Variants in PIGT observed in about 807,000 individuals in gnomAD.
The protein encoded by PIGT is GPI-anchor transamidase component PIGT.
A neutral mutation model predicts 66.7 loss-of-function variants in PIGT; 57 were observed. The ratio of observed to expected loss-of-function variants is 0.86; its 90% CI spans 0.69 to 1.07. The LOEUF (loss-of-function observed/expected upper bound fraction) is 1.07. PIGT is among the 50% of genes least tolerant of loss of function. The probability of loss-of-function intolerance (pLI) is 0.00; values close to 1 mark genes in which losing one functional copy is unlikely to be tolerated. For missense variants in PIGT, 725 were observed against 740.4 expected, an observed-to-expected ratio of 0.98 and a Z score of 0.24; for synonymous variants, 362 against 320.5, an observed-to-expected ratio of 1.13 and a Z score of -1.38.
chr20:45,425,187 CTTTCTTTCTT>C (rs1990656555), intron 11 of PIGT: 1 of 131,428 alleles, frequency 7.6e-6, no homozygotes, highest in Non-Finnish European at 1.6e-5. Flanking sequence ...TTCTTTCTTT[CTTTCTTTCTT>C]TCTTTCTTTC....
rs574857016 is a variant in PIGT at position 45,420,410 on chromosome 20, A to T, written c.848A>T (p.Asp283Val). The T allele has an allele frequency of 1.9e-4, 314 of 1,613,402 alleles. 4 individuals carry two copies. In the South Asian group the frequency reaches 3.3e-3, roughly 17 times the overall value. The change falls in exon 7 of 12, where the codon GAC becomes GTC. Residue 283 changes from aspartate (D) to valine (V), a missense_variant. This residue lies in a region of PIGT where 559 missense variants were observed against 552.7 expected (regional missense o/e 1.01). Transcript: ENST00000279036. ...PLASESRVYV[D>V]ITTYNQDNET... is the part of the protein sequence containing the mutation. ...GCTTCAGAGAGCCGAGTCTATGTGG[A>T]CATCACCACCTACAACCAGGTAACA... is the stretch of plus-strand genomic sequence containing the variant.
At chr20:45,418,634 G>C (rs1020714183) in intron 2 of PIGT, 13 of 522,844 alleles carry the variant, frequency 2.5e-5, no homozygotes, top group African/African-American at 1.9e-5. Context: ...TGGGGATGCA[G>C]AGATGTCCAG....
In PIGT at chr20:45,424,396, C is replaced by T; in HGVS notation, c.1400+15C>T. On this transcript the variant is annotated intron_variant, in intron 10 of 11. Coordinates refer to ENST00000279036, the MANE Select transcript of PIGT (RefSeq NM_015937.6). ...TTCTATGTCAGGTGGGCTCCACCCC[C>T]ACAGGCCACCTCTCATCCCCCTGAC... 3 of 1,614,016 alleles carry T rather than the reference C, an allele frequency of 1.9e-6. No individual in the cohort carries two copies. Among genetic ancestry groups the T allele is most frequent in the Non-Finnish European group, 8.5e-7 (1 of 1,179,864 alleles).
In PIGT at chr20:45,420,158, CCTG is replaced by C; in HGVS notation, c.705_707del (p.Trp236del). 6.2e-7 allele frequency: 1 copy of C among 1,612,474 alleles called. No homozygotes were observed. Among genetic ancestry groups the C allele is most frequent in the African/African-American group, 1.3e-5 (1 of 75,022 alleles). Reference sequence around the variant, plus strand: ...TAGAATGCACGCTGTACTAGCATCTCCTGGGAGCTGAGGCAGACCCTGTCAGTT... The same window carrying C: ...TAGAATGCACGCTGTACTAGCATCTCGGAGCTGAGGCAGACCCTGTCAGTT... On this transcript the variant is annotated inframe_deletion, in exon 6 of 12. Coordinates refer to ENST00000279036, the MANE Select transcript of PIGT (RefSeq NM_015937.6).
At chr20:45,420,822 T>G in intron 8 of PIGT, 129 bp downstream of exon 8, 7 of 925,052 alleles carry the variant, frequency 7.6e-6, no homozygotes, top group Non-Finnish European at 1.2e-5. Context: ...TGCTGCTGAC[T>G]GTAGCTATTC....
intron 4 of PIGT, 44 bp downstream of exon 4, chr20:45,419,439 A>G (rs372801153): frequency 6.2e-7 from 1 of 1,608,120 alleles, no homozygotes; most frequent in Non-Finnish European, 8.5e-7. Context: ...GGGTGTATAG[A>G]GAACCTGCGC....
At chr20:45,417,805 G>T (rs1211995226) in intron 2 of PIGT, 1 of 152,152 alleles carries the variant, frequency 6.6e-6, no homozygotes, top group East Asian at 1.9e-4. Context: ...ATTTTTATTT[G>T]AGGCTTAAGG....
chr20:45,421,467 A>G lies in PIGT; in HGVS notation c.1118A>G (p.Tyr373Cys). The change falls in exon 9 of 12, where the codon TAC (tyrosine) becomes TGC (cysteine). Residue 373 changes from tyrosine (Y) to cysteine (C), a missense_variant. Physicochemically the swap from Tyr to Cys is radical, Grantham distance 194 (BLOSUM62 -2). Transcript: ENST00000279036. The stretch of plus-strand genomic sequence containing the variant: ...AAGGGGGAGCTGAGCACACTGCTGT[A>G]CAACACCCACCCATACCGGGCCTTC... ...LQKGELSTLL[Y>C]NTHPYRAFPV... 2 of 1,614,204 alleles carry G rather than the reference A, an allele frequency of 1.2e-6. No individual in the cohort carries two copies. Among genetic ancestry groups the G allele is most frequent in the East Asian group, 2.2e-5 (1 of 44,882 alleles).
intron 1 of PIGT, 86 bp from the exon 2 acceptor site, chr20:45,416,431 G>T: frequency 6.4e-7 from 1 of 1,561,116 alleles, no homozygotes; most frequent in Non-Finnish European, 8.7e-7. Context: ...TTGGGGGCGG[G>T]GCCTAATTCC....
chr20:45,421,074 A>G (rs1644121135), intron 8 of PIGT: 3 of 515,526 alleles, frequency 5.8e-6, no homozygotes, highest in African/African-American at 5.7e-5. Context: ...GTGTCAGTTA[A>G]TTAATTACAG....
Position 45,416,353 on chromosome 20 carries a change from C to A in PIGT, c.187+10C>A. The A allele has an allele frequency of 5.1e-6, 8 of 1,574,450 alleles. No individual in the cohort carries two copies. The highest frequency in any genetic ancestry group is 6.0e-6 in the Non-Finnish European group (7 of 1,157,590). On this transcript the variant is annotated intron_variant, in intron 1 of 11. Coordinates refer to ENST00000279036, the MANE Select transcript of PIGT (RefSeq NM_015937.6). ...CTTCAGCGGGAAGGAGGTGAGGGCG[C>A]GAGATCTGACCAGGGAAAGATTTCC...
Position 45,424,528 on chromosome 20 carries a change from T to G in PIGT, c.1433T>G (p.Met478Arg). ...GTCCTCAGCGCCCTTGTGCCCAGCATGGTAGCAGCCAAGCCAGTGGACTGG... is the reference window on the plus strand; with the variant it reads ...GTCCTCAGCGCCCTTGTGCCCAGCAGGGTAGCAGCCAAGCCAGTGGACTGG... ...PSVLSALVPSMVAAKPVDWEE... is the reference protein window; with the variant it reads ...PSVLSALVPSRVAAKPVDWEE... Residue 478 changes from methionine (M) to arginine (R), a missense_variant, in exon 11 of 12, where the codon ATG (methionine) becomes AGG (arginine). Met to Arg is a moderately conservative substitution (Grantham distance 91, BLOSUM62 -1). This residue lies in a region of PIGT where 162 missense variants were observed against 171.1 expected (regional missense o/e 0.95). Coordinates refer to ENST00000279036, the MANE Select transcript of PIGT (RefSeq NM_015937.6). The G allele has an allele frequency of 6.2e-7, 1 of 1,614,138 alleles. No individual in the cohort carries two copies. Among genetic ancestry groups the G allele is most frequent in the Admixed American group, 1.7e-5 (1 of 60,012 alleles).
chr20:45,425,796 C>G lies in PIGT; in HGVS notation c.1707C>G (p.Ile569Met). 1 of 1,613,902 alleles carries G rather than the reference C, an allele frequency of 6.2e-7. No homozygotes were observed. Among genetic ancestry groups the G allele is most frequent in the Non-Finnish European group, 8.5e-7 (1 of 1,179,894 alleles). ...GGLAKRLANL[I>M]RRARGVPPL ...TGGCCAAGCGGCTGGCCAACCTTAT[C>G]CGGCGCGCCCGAGGTGTCCCCCCAC... The change falls in exon 12 of 12, where the codon ATC (isoleucine) becomes ATG (methionine). Residue 569 changes from isoleucine (I) to methionine (M), a missense_variant. By Grantham distance (10) the Ile-to-Met change is conservative. This residue lies in a region of PIGT where 162 missense variants were observed against 171.1 expected (regional missense o/e 0.95). Transcript: ENST00000279036.
rs750034459 is a variant in PIGT at position 45,424,367 on chromosome 20, T to C, written c.1386T>C (p.His462=). The C allele has an allele frequency of 6.2e-6, 10 of 1,614,178 alleles. No individual in the cohort carries two copies. The highest frequency in any genetic ancestry group is 8.5e-6 in the Non-Finnish European group (10 of 1,180,018). Residue 462 remains histidine, a synonymous_variant, in exon 10 of 12, where the codon CAT becomes CAC. Coordinates refer to ENST00000279036, the MANE Select transcript of PIGT (RefSeq NM_015937.6). ...KWTEYTPDPN[H]GFYVSPSVLS... is the part of the protein sequence containing the mutation. ...CCGAGTACACGCCAGATCCTAACCA[T>C]GGCTTCTATGTCAGGTGGGCTCCAC...
Position 45,420,527 on chromosome 20 carries a change from G to A in PIGT, c.868-1G>A. ...TCTTAGCCCTGCCTTTGTGTCCCCA[G>A]GACAACGAGACATTAGAGGTGCACC... On this transcript the variant is annotated splice_acceptor_variant, in intron 7 of 11. Coordinates refer to ENST00000279036, the MANE Select transcript of PIGT (RefSeq NM_015937.6). LOFTEE classifies it high-confidence loss of function. 6.2e-7 allele frequency: 1 copy of A among 1,613,648 alleles called. No individual in the cohort carries two copies. The highest frequency in any genetic ancestry group is 8.5e-7 in the Non-Finnish European group (1 of 1,179,958).
Position 45,420,222 on chromosome 20 carries a change from A to G in PIGT, c.768A>G (p.Lys256=). The G allele has an allele frequency of 1.9e-6, 3 of 1,609,938 alleles. No individual in the cohort carries two copies. The highest frequency in any genetic ancestry group is 1.7e-6 in the Non-Finnish European group (2 of 1,177,750). The change falls in exon 6 of 12, where the codon AAA becomes AAG. Residue 256 remains lysine, a splice_region_variant and synonymous_variant. Coordinates refer to ENST00000279036, the MANE Select transcript of PIGT (RefSeq NM_015937.6). ...FDAFITGQGK[K]DWSLFRMFSR... ...CCTTCATCACGGGGCAGGGAAAGAAAGGTAAGTTACCTTGGCAACTCATCT... is the reference window on the plus strand; with the variant it reads ...CCTTCATCACGGGGCAGGGAAAGAAGGGTAAGTTACCTTGGCAACTCATCT...
At chr20:45,416,733 G>A in intron 2 of PIGT, 39 bp downstream of exon 2, 1 of 1,559,364 alleles carries the variant, frequency 6.4e-7, no homozygotes, top group Non-Finnish European at 8.7e-7. Flanking sequence ...GGCCATGGAG[G>A]GAATGTGGCT....
chr20:45,417,929 C>T (rs1393223782), intron 2 of PIGT: 7 of 152,252 alleles, frequency 4.6e-5, no homozygotes, highest in Admixed American at 4.6e-4. Flanking sequence ...TCTCTTGCCT[C>T]AACTCTGGCT....
At chr20:45,422,467 G>A (rs1600817302) in intron 9 of PIGT, 1 of 144,462 alleles carries the variant, frequency 6.9e-6, no homozygotes, top group Non-Finnish European at 1.5e-5. Flanking sequence ...TTTTTTAAGA[G>A]ACAGACTGTT....
Sources: allele counts gnomAD v4.1 joint callset, GRCh38; gene constraint gnomAD v4.1.1; regional missense constraint gnomAD v4.1.1; transcripts MANE v1.5; gene names NCBI Gene and HGNC (gene_info 2026-07-23, HGNC 2026-07-21).